Variants in NBEAL1 observed in about 807,000 individuals in gnomAD.
NBEAL1 encodes the protein neurobeachin-like protein 1.
A neutral mutation model predicts 351.3 loss-of-function variants in NBEAL1; 273 were observed. The observed-to-expected ratio is 0.78, with a 90% CI of 0.70 to 0.86. The LOEUF (loss-of-function observed/expected upper bound fraction) is 0.86, where lower values mean the gene tolerates loss of function less well. NBEAL1 is among the 40% of genes least tolerant of loss of function. The pLI, the probability that NBEAL1 is intolerant of heterozygous loss-of-function variation, is 0.00. For missense variants in NBEAL1, 2,961 were observed against 3,201.3 expected, an observed-to-expected ratio of 0.92 and a Z score of 1.81; for synonymous variants, 1,050 against 1,086.4, an observed-to-expected ratio of 0.97 and a Z score of 0.66.
rs200689887 is a variant in NBEAL1 at position 203,130,462 on chromosome 2, G to A, written c.3550G>A (p.Glu1184Lys). ...TCAGAAGTACTCTGACAGACTAAGA[G>A]AAATCATTTTTAAGGTACAAACATT... ...LNQKYSDRLR[E>K]IIFKIMEQML... Residue 1184 changes from glutamate to lysine, a missense_variant, in exon 25 of 56, where the codon GAA becomes AAA. Glu to Lys is a moderately conservative substitution (Grantham distance 56). Transcript: ENST00000683969. 3 of 1,431,290 alleles carry A rather than the reference G, an allele frequency of 2.1e-6. No homozygotes were observed. The highest frequency in any genetic ancestry group is 2.7e-6 in the Non-Finnish European group (3 of 1,095,896). 88.7% of individuals were successfully genotyped at this position (1,431,290 alleles called of 1,614,324 possible). A position where few individuals can be genotyped will look rare whatever the true frequency, so the allele number is the denominator to read the frequency against.
Position 203,217,254 on chromosome 2 carries a change from T to G in NBEAL1, c.8072T>G (p.Met2691Arg). The change falls in exon 56 of 56, where the codon ATG becomes AGG. Residue 2691 changes from methionine to arginine, a missense_variant and splice_region_variant. By Grantham distance (91) the Met-to-Arg change is moderately conservative. Transcript: ENST00000683969. The stretch of plus-strand genomic sequence containing the variant: ...ATTTCTTTGGATTACTTTACACAGA[T>G]GCGTTCAGGTCAGCTTTCTCGAAAA... ...IVVGVGKPAE[M>R]RSGQLSRKFW... 1 of 1,572,818 alleles carries G rather than the reference T, an allele frequency of 6.4e-7. No individual in the cohort carries two copies. The highest frequency in any genetic ancestry group is 1.2e-5 in the South Asian group (1 of 83,384).
chr2:203,050,036 A>C, intron 4 of NBEAL1, 61 bp downstream of exon 4: 1 of 1,470,034 alleles, frequency 6.8e-7, no homozygotes, highest in Non-Finnish European at 9.3e-7. Context: ...CAATGAGAAC[A>C]CATGGAGATG....
At chr2:203,146,291 C>T (rs903053638) in intron 33 of NBEAL1, among the ~76,000 whole-genome samples, 3 of 152,164 alleles carry the variant, frequency 2.0e-5, no homozygotes, top group Non-Finnish European at 4.4e-5. Context: ...CAGATGGTTT[C>T]ACTGGCAAAT....
At chr2:203,056,785 C>A (rs528819798) in intron 5 of NBEAL1, among the ~76,000 whole-genome samples, 7 of 152,326 alleles carry the variant, frequency 4.6e-5, no homozygotes, top group Admixed American at 2.0e-4. Flanking sequence ...TCAGGCTGGT[C>A]TCAAACTCCT....
At chr2:203,173,520 T>G (rs909905936) in intron 41 of NBEAL1, among the ~76,000 whole-genome samples, 7 of 152,150 alleles carry the variant, frequency 4.6e-5, no homozygotes, top group Non-Finnish European at 1.0e-4. Context: ...TAGATTGATA[T>G]GAAAGTAGGT....
At position 203,140,482 on chromosome 2, in the gene NBEAL1, A is replaced by G. The variant is rs542855244; in HGVS notation, c.4848+1734A>G. On this transcript the variant is annotated intron_variant, in intron 31 of 55. Transcript: ENST00000683969. Reference sequence around the variant, plus strand: ...TGTTTTTTCTTTTTCTTACTATTATATAAAACTCATTTCCCTGTGTTACTA... The same window carrying G: ...TGTTTTTTCTTTTTCTTACTATTATGTAAAACTCATTTCCCTGTGTTACTA... Among the ~76,000 whole-genome samples the G allele has an allele frequency of 3.9e-5, 6 of 151,954 alleles. No individual in the cohort carries two copies. The South Asian group carries it at 1.0e-3, about 26-fold the overall frequency.
intron 42 of NBEAL1, among the ~76,000 whole-genome samples, chr2:203,177,527 T>A (rs1038837345): frequency 6.6e-6 from 1 of 152,128 alleles, no homozygotes; most frequent in African/African-American, 2.4e-5. Flanking sequence ...CTCAACAGCA[T>A]GAGTCATCAG....
Position 203,083,386 on chromosome 2 carries a change from T to C in NBEAL1, c.852T>C (p.Ser284=). 4 of 1,555,582 alleles carry C rather than the reference T, an allele frequency of 2.6e-6. No homozygotes were observed. Among genetic ancestry groups the C allele is most frequent in the Middle Eastern group, 1.7e-4 (1 of 5,998 alleles). ...TACATATCCTTCTCAGTAGCAACTC[T>C]GATCAGCGTCAAGTGGAAACCAGTA... ...EVVHILLSSN[S]DQRQVETSTI... Residue 284 remains serine (S), a synonymous_variant, in exon 9 of 56, where the codon TCT becomes TCC. Coordinates refer to ENST00000683969, the MANE Select transcript of NBEAL1 (RefSeq NM_001378026.1).
In NBEAL1 at chr2:203,180,933, A is replaced by ATTTTTTTTTTTTTTTTTTTTTTTTTTTTT. The variant is rs10671968; in HGVS notation, c.6595+443_6595+444insTTTTTTTTTTTTTTTTTTTTTTTTTTTTT. The ATTTTTTTTTTTTTTTTTTTTTTTTTTTTT allele has an allele frequency of 3.2e-5, 2 of 61,698 alleles. 1 individual carries two copies. Among genetic ancestry groups the ATTTTTTTTTTTTTTTTTTTTTTTTTTTTT allele is most frequent in the African/African-American group, 1.1e-4 (2 of 18,602 alleles). The allele number at this position is 61,698 out of a possible 1,614,324, so 3.8% of individuals were successfully genotyped here. ...CAGTTTCACTGAATACAGCCAGTCA[A>ATTTTTTTTTTTTTTTTTTTTTTTTTTTTT]TTTTTTTTTTTTTTTTTTTTTTGAG... On this transcript the variant is annotated intron_variant, in intron 43 of 55. Coordinates refer to ENST00000683969, the MANE Select transcript of NBEAL1 (RefSeq NM_001378026.1).
At chr2:203,155,623 T>C (rs574319040) in intron 35 of NBEAL1, among the ~76,000 whole-genome samples, 2 of 152,082 alleles carry the variant, frequency 1.3e-5, no homozygotes, top group Non-Finnish European at 2.9e-5. Flanking sequence ...TTTTTAAACT[T>C]TTTTTGTAGA....
chr2:203,199,628 G>A (rs947983979), intron 49 of NBEAL1, among the ~76,000 whole-genome samples, 181 bp downstream of exon 49: 2 of 150,928 alleles, frequency 1.3e-5, no homozygotes, highest in Non-Finnish European at 2.9e-5. Flanking sequence ...TGCCTCCCGA[G>A]CTCAAGGGAT....
intron 3 of NBEAL1, among the ~76,000 whole-genome samples, chr2:203,044,712 G>A (rs1403034419): frequency 6.6e-6 from 1 of 152,106 alleles, no homozygotes; most frequent in Non-Finnish European, 1.5e-5. Flanking sequence ...TACATGCTAC[G>A]TACAAGATAT....
At position 203,217,766 on chromosome 2, in the gene NBEAL1, A is replaced by G. The variant is rs2065912604; in HGVS notation, c.*412A>G. 1.0e-6 allele frequency: 1 copy of G among 976,812 alleles called. No individual in the cohort carries two copies. The highest frequency in any genetic ancestry group is 1.2e-6 in the Non-Finnish European group (1 of 822,102). The allele number at this position is 976,812 out of a possible 1,614,324, so 60.5% of individuals were successfully genotyped here. On this transcript the variant is annotated 3_prime_UTR_variant, in exon 56 of 56. Coordinates refer to ENST00000683969, the MANE Select transcript of NBEAL1 (RefSeq NM_001378026.1). Reference sequence around the variant, plus strand: ...CTGACCACTGTAATGAAAATATATCAATTTATTTATGGAACTCCTGATTGG... The same window carrying G: ...CTGACCACTGTAATGAAAATATATCGATTTATTTATGGAACTCCTGATTGG...
intron 25 of NBEAL1, among the ~76,000 whole-genome samples, chr2:203,130,992 A>T (rs894558319): frequency 2.0e-5 from 3 of 152,212 alleles, no homozygotes; most frequent in South Asian, 4.1e-4. Flanking sequence ...AAATTATTTT[A>T]ATTTTAATAA....
intron 13 of NBEAL1, 26 bp from the exon 14 acceptor site, chr2:203,107,582 C>G (rs1331518359): frequency 6.5e-7 from 1 of 1,544,728 alleles, no homozygotes; most frequent in Non-Finnish European, 8.8e-7. Context: ...GATAACTAAC[C>G]TTTTATCTTT....
chr2:203,133,756 A>G (rs1317436977), intron 27 of NBEAL1, among the ~76,000 whole-genome samples: 1 of 150,774 alleles, frequency 6.6e-6, no homozygotes, highest in Non-Finnish European at 1.5e-5. Flanking sequence ...CTATATATAG[A>G]GTTTATATAT....
chr2:203,110,834 T>G (rs1167706247), intron 15 of NBEAL1, among the ~76,000 whole-genome samples: 1 of 148,350 alleles, frequency 6.7e-6, no homozygotes, highest in Non-Finnish European at 1.5e-5. Flanking sequence ...GGCACGATCT[T>G]AACTCACTGC....
At position 203,161,628 on chromosome 2, in the gene NBEAL1, CAAATAAATAAATAAATAAATAAATAAAT is replaced by C. The variant is rs71928655; in HGVS notation, c.5714+3831_5714+3858del. The stretch of plus-strand genomic sequence containing the variant: ...TGGGTGACAGAGCAAGACTCCGTCT[CAAATAAATAAATAAATAAATAAATAAAT>C]AAATAAATAAATAAATAAATAAATA... On this transcript the variant is annotated intron_variant, in intron 36 of 55. Coordinates refer to ENST00000683969, the MANE Select transcript of NBEAL1 (RefSeq NM_001378026.1). Among the ~76,000 whole-genome samples, 273 of 137,208 alleles carry C rather than the reference CAAATAAATAAATAAATAAATAAATAAAT, an allele frequency of 2.0e-3. 1 individual carries two copies. Among genetic ancestry groups the C allele is most frequent in the South Asian group, 5.5e-3 (22 of 4,036 alleles). The allele number at this position is 137,208 out of a possible 152,430, so 90.0% of individuals were successfully genotyped here.
intron 47 of NBEAL1, 57 bp downstream of exon 47, chr2:203,193,968 A>G: frequency 1.0e-6 from 1 of 969,198 alleles, no homozygotes; most frequent in Non-Finnish European, 1.6e-6. Context: ...GTACATTTTA[A>G]AGTTCTTTTA....
Sources: allele counts gnomAD v4.1 joint callset (sites outside exome capture counted in the v4.1 genomes callset), GRCh38; gene constraint gnomAD v4.1.1; transcripts MANE v1.5; gene names NCBI Gene and HGNC (gene_info 2026-07-23, HGNC 2026-07-21).